HRH2: variants seen among roughly 807,000 people sequenced by gnomAD.
The protein encoded by HRH2 is histamine receptor H2, also known as histamine H2 receptor.
HRH2 carries 4 observed loss-of-function variants against 20.1 expected under a neutral mutation model. The observed-to-expected ratio is 0.20, with a 90% CI of 0.10 to 0.45. The LOEUF (loss-of-function observed/expected upper bound fraction) is 0.45, where lower values mean the gene tolerates loss of function less well. Ranked by LOEUF, HRH2 falls within the 20% of genes least tolerant of loss-of-function variation. HRH2 has a pLI of 0.99. For missense variants in HRH2, 250 were observed against 461.6 expected (o/e 0.54, Z 4.20); for synonymous variants, 197 against 200.7 (o/e 0.98, Z 0.16).
At chr5:175,663,670 C>T (rs1762802347) in intron 1 of HRH2, among the ~76,000 whole-genome samples, 1 of 152,254 alleles carries the variant, frequency 6.6e-6, no homozygotes, top group Admixed American at 6.5e-5. Context: ...GCCAGTTCCT[C>T]TGCCCAGCTT....
At chr5:175,679,465 A>G (rs1755884032) in intron 1 of HRH2, among the ~76,000 whole-genome samples, 1 of 152,206 alleles carries the variant, frequency 6.6e-6, no homozygotes, top group South Asian at 2.1e-4. Flanking sequence ...TAGGTAAGGA[A>G]AGACCTTCCA....
chr5:175,708,292 G>C lies in HRH2; in HGVS notation c.*321G>C, dbSNP rs935908566. The stretch of plus-strand genomic sequence containing the variant: ...GACGGGGATGCGTGCACATGTGTGT[G>C]CATGGGTGCATACGTGTAGGGACGT... On this transcript the variant is annotated 3_prime_UTR_variant, in exon 3 of 3. Coordinates refer to ENST00000636584, the MANE Select transcript of HRH2 (RefSeq NM_001367711.1). The C allele has an allele frequency of 2.5e-5, 6 of 244,830 alleles. No individual in the cohort carries two copies. Among genetic ancestry groups the C allele is most frequent in the Non-Finnish European group, 4.7e-5 (6 of 128,588 alleles). 15.2% of individuals were successfully genotyped at this position (244,830 alleles called of 1,614,324 possible). A position where few individuals can be genotyped will look rare whatever the true frequency, so the allele number is the denominator to read the frequency against.
At chr5:175,684,583 C>T (rs987754402) in intron 2 of HRH2, among the ~76,000 whole-genome samples, 3 of 152,246 alleles carry the variant, frequency 2.0e-5, no homozygotes, top group Admixed American at 6.5e-5. Context: ...CTTCGGAACT[C>T]GCAAGCCCTT....
chr5:175,678,841 G>A (rs1345858875), intron 1 of HRH2, among the ~76,000 whole-genome samples: 1 of 152,226 alleles, frequency 6.6e-6, no homozygotes, highest in Non-Finnish European at 1.5e-5. Context: ...TGGGGTTTAA[G>A]TACTTAAACA....
At chr5:175,692,855 A>C (rs1192094892) in intron 2 of HRH2, among the ~76,000 whole-genome samples, 2 of 152,232 alleles carry the variant, frequency 1.3e-5, no homozygotes, top group Non-Finnish European at 2.9e-5. Flanking sequence ...TCTTCTGGCA[A>C]GGGTGGTGAG....
At chr5:175,701,375 CAT>C (rs1205014318) in intron 2 of HRH2, among the ~76,000 whole-genome samples, 1 of 152,190 alleles carries the variant, frequency 6.6e-6, no homozygotes, top group East Asian at 1.9e-4. Context: ...GTAACTGACT[CAT>C]AGAACTGAAG....
At chr5:175,699,294 A>AGTAT (rs922945358) in intron 2 of HRH2, among the ~76,000 whole-genome samples, 10 of 152,218 alleles carry the variant, frequency 6.6e-5, no homozygotes, top group African/African-American at 2.4e-4. Context: ...CCAAAAAATA[A>AGTAT]GTATGGCCTA....
In HRH2 at chr5:175,692,761, C is replaced by T. The variant is rs149669851; in HGVS notation, c.1076+8452C>T. ...AAAACGGGAGACTTGGATCGGTGTCCGGGGACCATTCCAATACTAACTATA... is the reference window on the plus strand; with the variant it reads ...AAAACGGGAGACTTGGATCGGTGTCTGGGGACCATTCCAATACTAACTATA... On this transcript the variant is annotated intron_variant, in intron 2 of 2. Transcript: ENST00000636584. Among the ~76,000 whole-genome samples, 7 of 152,260 alleles carry T rather than the reference C, an allele frequency of 4.6e-5. No individual in the cohort carries two copies. The East Asian group carries it at 5.8e-4, about 13-fold the overall frequency.
intron 2 of HRH2, chr5:175,685,799 T>C (rs1756152417): frequency 4.9e-6 from 2 of 404,806 alleles, no homozygotes; most frequent in Admixed American, 8.5e-5. Context: ...AAGTCCACGC[T>C]GGAGCGCTGA....
chr5:175,676,458 A>G (rs1755765221), intron 1 of HRH2, among the ~76,000 whole-genome samples: 1 of 152,114 alleles, frequency 6.6e-6, no homozygotes, highest in African/African-American at 2.4e-5. Flanking sequence ...GAACTTCTAG[A>G]GGATTGGGAC....
intron 2 of HRH2, among the ~76,000 whole-genome samples, chr5:175,701,905 G>A (rs1207060382): frequency 6.6e-6 from 1 of 152,216 alleles, no homozygotes; most frequent in Admixed American, 6.5e-5. Context: ...CCAGTGTTCT[G>A]GCTCAGGGCA....
intron 2 of HRH2, among the ~76,000 whole-genome samples, chr5:175,689,128 C>T (rs979097183): frequency 6.6e-6 from 1 of 152,198 alleles, no homozygotes; most frequent in Admixed American, 6.5e-5. Context: ...TGAATTTGCT[C>T]TCCTTCCGTC....
intron 1 of HRH2, among the ~76,000 whole-genome samples, chr5:175,673,709 GT>G (rs1261033568): frequency 1.6e-3 from 212 of 132,910 alleles, no homozygotes; most frequent in East Asian, 0.012. Flanking sequence ...TTTTTTTTTT[GT>G]TTTTTTTTTT....
At position 175,708,782 on chromosome 5, in the gene HRH2, G is replaced by T. The variant is rs1757017788; in HGVS notation, c.*811G>T. 6.6e-6 allele frequency: 1 copy of T among 152,116 alleles called. No individual in the cohort carries two copies. The allele number at this position is 152,116 out of a possible 1,614,324, so 9.4% of individuals were successfully genotyped here. On this transcript the variant is annotated 3_prime_UTR_variant, in exon 3 of 3. Coordinates refer to ENST00000636584, the MANE Select transcript of HRH2 (RefSeq NM_001367711.1). ...CTCCTAGCAAGGCTTAGACCCCCAG[G>T]CTCTGGGGGTCCCTTCCTGCTACAG... is the stretch of plus-strand genomic sequence containing the variant.
intron 2 of HRH2, among the ~76,000 whole-genome samples, chr5:175,688,230 C>T (rs527714398): frequency 6.6e-6 from 1 of 152,370 alleles, no homozygotes; most frequent in South Asian, 2.1e-4. Flanking sequence ...GTCATCGAAA[C>T]TGCAAAGTCC....
chr5:175,671,828 C>T (rs1387143526), intron 1 of HRH2, among the ~76,000 whole-genome samples: 2 of 152,196 alleles, frequency 1.3e-5, no homozygotes, highest in African/African-American at 4.8e-5. Flanking sequence ...GTATGACCTC[C>T]AAAAGAAAGA....
chr5:175,700,476 C>G (rs1756759468), intron 2 of HRH2, among the ~76,000 whole-genome samples: 1 of 152,206 alleles, frequency 6.6e-6, no homozygotes, highest in Non-Finnish European at 1.5e-5. Flanking sequence ...AAGCTGACAC[C>G]TAACCCAGGG....
chr5:175,670,676 A>G (rs1367586763), intron 1 of HRH2, among the ~76,000 whole-genome samples: 1 of 152,200 alleles, frequency 6.6e-6, no homozygotes, highest in Non-Finnish European at 1.5e-5. Context: ...CCAGGCTGCA[A>G]ATGCAACCAC....
At chr5:175,697,734 A>G (rs1756651002) in intron 2 of HRH2, among the ~76,000 whole-genome samples, 2 of 152,042 alleles carry the variant, frequency 1.3e-5, no homozygotes, top group Non-Finnish European at 2.9e-5. Flanking sequence ...ATCACATACA[A>G]ATTCCTCAAT....
Sources: allele counts gnomAD v4.1 joint callset (sites outside exome capture counted in the v4.1 genomes callset), GRCh38; gene constraint gnomAD v4.1.1; transcripts MANE v1.5; gene names NCBI Gene and HGNC (gene_info 2026-07-23, HGNC 2026-07-21).